The following REXO5 variants were observed in gnomAD, a reference collection of about 807,000 sequenced individuals.
REXO5 encodes exonuclease NEF-sp.
REXO5 carries 48 observed loss-of-function variants against 88.5 expected under a neutral mutation model. The observed-to-expected ratio is 0.54, with a 90% CI of 0.43 to 0.69. The LOEUF (loss-of-function observed/expected upper bound fraction) is 0.69. Among genes scored for constraint, REXO5 ranks in the 30% least tolerant of loss-of-function variants. The probability of loss-of-function intolerance (pLI) is 0.00; values close to 1 mark genes in which losing one functional copy is unlikely to be tolerated. For synonymous variants in REXO5, 311 were observed against 336.5 expected (o/e 0.92, Z 0.83); for missense variants, 749 against 912.2 (o/e 0.82, Z 2.30).
At chr16:20,844,608 A>G (rs1210370691) in intron 16 of REXO5, 21 bp from the exon 17 acceptor site, 2 of 1,609,682 alleles carry the variant, frequency 1.2e-6, no homozygotes, top group South Asian at 1.1e-5. Context: ...TCTACCACTA[A>G]CACCAACTTT....
chr16:20,848,082 CT>C (rs2081637872), intron 19 of REXO5, among the ~76,000 whole-genome samples: 1 of 152,170 alleles, frequency 6.6e-6, no homozygotes, highest in Non-Finnish European at 1.5e-5. Flanking sequence ...TACTCCTATC[CT>C]TTAAAAGTCA....
At chr16:20,846,902 A>G (rs1329403378) in intron 19 of REXO5, among the ~76,000 whole-genome samples, 1 of 152,242 alleles carries the variant, frequency 6.6e-6, no homozygotes, top group Non-Finnish European at 1.5e-5. Flanking sequence ...GGGATTTGGA[A>G]TAAATCAGTT....
At chr16:20,819,717 T>C (rs1443607915) in intron 5 of REXO5, among the ~76,000 whole-genome samples, 1 of 150,730 alleles carries the variant, frequency 6.6e-6, no homozygotes, top group African/African-American at 2.4e-5. Flanking sequence ...ATCGCGCCAT[T>C]GCACTCCAGC....
At chr16:20,808,693 C>T (rs1355235281) in intron 2 of REXO5, 2 of 148,398 alleles carry the variant, frequency 1.3e-5, no homozygotes, top group Admixed American at 6.8e-5. Flanking sequence ...ACTTTTGCCT[C>T]CCAGGTTGAA....
intron 11 of REXO5, among the ~76,000 whole-genome samples, chr16:20,831,651 C>T (rs911891765): frequency 2.0e-5 from 3 of 152,130 alleles, no homozygotes; most frequent in Non-Finnish European, 4.4e-5. Context: ...CATCACAACT[C>T]CCTGGTGGGC....
At position 20,845,132 on chromosome 16, in the gene REXO5, C is replaced by T; in HGVS notation, c.2015C>T (p.Ala672Val). 6.2e-7 allele frequency: 1 copy of T among 1,614,120 alleles called. No homozygotes were observed. The highest frequency in any genetic ancestry group is 8.5e-7 in the Non-Finnish European group (1 of 1,180,016). The change falls in exon 18 of 20, where the codon GCC (alanine) becomes GTC (valine). Residue 672 changes from alanine to valine, a missense_variant. Ala to Val is a moderately conservative substitution (Grantham distance 64). Transcript: ENST00000261377. ...GKDWKLKGRH[A>V]LTPRHLHAWL... The stretch of plus-strand genomic sequence containing the variant: ...GACTGGAAGCTGAAAGGCAGGCATG[C>T]CCTAACCCCCAGGCACCTCCATGCC...
intron 15 of REXO5, among the ~76,000 whole-genome samples, chr16:20,842,300 G>A (rs2081540235): frequency 6.8e-6 from 1 of 146,158 alleles, no homozygotes; most frequent in African/African-American, 2.6e-5. Flanking sequence ...TACAATATTT[G>A]TCCTTTTGTG....
rs143383504 is a variant in REXO5 at position 20,810,940 on chromosome 16, A to C, written c.139-2250A>C. On this transcript the variant is annotated intron_variant, in intron 2 of 19. Transcript: ENST00000261377. ...TCAGGTTTATACCCTCATCCTGTTC[A>C]GGCTTTAAACCCTGCAACAGGCCAC... is the stretch of plus-strand genomic sequence containing the variant. 3.9e-3 allele frequency among the ~76,000 whole-genome samples: 595 copies of C among 152,212 alleles called. 7 individuals carry two copies. Among genetic ancestry groups the C allele is most frequent in the African/African-American group, 0.014 (568 of 41,534 alleles).
chr16:20,809,016 T>G (rs1365290407), intron 2 of REXO5: 1 of 151,850 alleles, frequency 6.6e-6, no homozygotes, highest in African/African-American at 2.4e-5. Flanking sequence ...TGTGAGCCAC[T>G]GCACCCAGCT....
chr16:20,806,790 GCT>G, intron 1 of REXO5, 85 bp downstream of exon 1: 1 of 1,230,210 alleles, frequency 8.1e-7, no homozygotes, highest in Non-Finnish European at 1.1e-6. Context: ...TGGCACCTTC[GCT>G]TTTTTAGGGG....
chr16:20,836,744 T>C (rs1475552411), intron 13 of REXO5, among the ~76,000 whole-genome samples: 1 of 152,252 alleles, frequency 6.6e-6, no homozygotes, highest in African/African-American at 2.4e-5. Flanking sequence ...CCACCAGCAG[T>C]GAATGAGAGT....
intron 12 of REXO5, 83 bp from the exon 13 acceptor site, chr16:20,832,920 A>G: frequency 1.5e-6 from 2 of 1,307,604 alleles, no homozygotes; most frequent in East Asian, 4.7e-5. Flanking sequence ...TGGCTACCAT[A>G]TTGTATAATG....
intron 14 of REXO5, 94 bp downstream of exon 14, chr16:20,839,953 G>T: frequency 6.3e-6 from 5 of 791,224 alleles, no homozygotes; most frequent in East Asian, 2.6e-5. Context: ...TTAATTTGTT[G>T]TGTTTTTCTC....
At chr16:20,814,480 C>T (rs1207861979) in intron 3 of REXO5, among the ~76,000 whole-genome samples, 1 of 152,000 alleles carries the variant, frequency 6.6e-6, no homozygotes, top group Non-Finnish European at 1.5e-5. Flanking sequence ...GACCTCAAGT[C>T]ATCCACCTGC....
At chr16:20,816,265 T>C in intron 5 of REXO5, 53 bp downstream of exon 5, 1 of 1,398,280 alleles carries the variant, frequency 7.2e-7, no homozygotes, top group Non-Finnish European at 1.0e-6. Context: ...GATACGGATA[T>C]GATTGTAAGT....
intron 6 of REXO5, among the ~76,000 whole-genome samples, chr16:20,822,928 T>C (rs1036389886): frequency 5.3e-5 from 8 of 152,234 alleles, no homozygotes; most frequent in African/African-American, 1.9e-4. Context: ...TGCTGGGTCA[T>C]GTGACAACTC....
chr16:20,831,478 A>G (rs1276500350), intron 11 of REXO5, among the ~76,000 whole-genome samples: 1 of 152,164 alleles, frequency 6.6e-6, no homozygotes, highest in Non-Finnish European at 1.5e-5. Flanking sequence ...TTGGTTCATT[A>G]ATTGTGACAA....
rs559808976 is a variant in REXO5, at chr16:20,839,823, C to T, written c.1452C>T (p.Ala484=). 6.2e-7 allele frequency: 1 copy of T among 1,613,620 alleles called. No individual in the cohort carries two copies. Among genetic ancestry groups the T allele is most frequent in the South Asian group, 1.1e-5 (1 of 91,006 alleles). The change falls in exon 14 of 20, where the codon GCC becomes GCT. Residue 484 remains alanine, a synonymous_variant. Coordinates refer to ENST00000261377, the MANE Select transcript of REXO5 (RefSeq NM_030941.3). The part of the protein sequence containing the change: ...PFSIVQFSFK[A]FSPVLTEEMN... ...GCATTGTTCAGTTCTCTTTTAAGGC[C>T]TTTTCACCTGTCCTCACTGAGGAGA... is the stretch of plus-strand genomic sequence containing the variant.
chr16:20,813,364 T>A (rs1249036743), intron 3 of REXO5, 62 bp downstream of exon 3: 29 of 820,480 alleles, frequency 3.5e-5, no homozygotes, highest in Admixed American at 9.2e-5. Context: ...TTTTTTTTTT[T>A]ACCTCTCCCA....
Sources: allele counts gnomAD v4.1 joint callset (sites outside exome capture counted in the v4.1 genomes callset), GRCh38; gene constraint gnomAD v4.1.1; transcripts MANE v1.5; gene names NCBI Gene and HGNC (gene_info 2026-07-23, HGNC 2026-07-21).